The following TRMU variants were observed in gnomAD, a reference collection of about 807,000 sequenced individuals.
The protein encoded by TRMU is tRNA mitochondrial 2-thiouridylase, also known as mitochondrial tRNA-specific 2-thiouridylase 1.
TRMU carries 49 observed loss-of-function variants against 46.9 expected under a neutral mutation model. The observed-to-expected ratio is 1.05, with a 90% CI of 0.83 to 1.33. The LOEUF is 1.33. Among genes scored for constraint, TRMU ranks in the 40% most tolerant of loss-of-function variants. The probability of loss-of-function intolerance (pLI) is 0.00; values close to 1 mark genes in which losing one functional copy is unlikely to be tolerated. For synonymous variants in TRMU, 241 were observed against 200.9 expected, an observed-to-expected ratio of 1.20 and a Z score of -1.69; for missense variants, 572 against 532.4, an observed-to-expected ratio of 1.07 and a Z score of -0.73.
chr22:46,349,925 C>G lies in TRMU; in HGVS notation c.479-366C>G, dbSNP rs1372424625. ...GCTGACACTATATCAGTGGAATTTT[C>G]TGCCAGCAACTAGCTTACTCCATTT... On this transcript the variant is annotated intron_variant, in intron 4 of 10. Coordinates refer to ENST00000645190, the MANE Select transcript of TRMU (RefSeq NM_018006.5). The surrounding 1 kb of genome is among the most constrained non-coding windows in gnomAD (Gnocchi z 4.6). 6.6e-6 allele frequency among the ~76,000 whole-genome samples: 1 copy of G among 151,814 alleles called. No homozygotes were observed. Among genetic ancestry groups the G allele is most frequent in the Non-Finnish European group, 1.5e-5 (1 of 67,982 alleles).
chr22:46,343,500 C>A, intron 3 of TRMU, 132 bp downstream of exon 3: 1 of 716,242 alleles, frequency 1.4e-6, no homozygotes, highest in Non-Finnish European at 2.4e-6. Context: ...ATTCTCCCAC[C>A]CCAGGCTCCT....
chr22:46,351,646 G>A lies in TRMU; in HGVS notation c.652-475G>A, dbSNP rs2078428616. On this transcript the variant is annotated intron_variant, in intron 5 of 10. Coordinates refer to ENST00000645190, the MANE Select transcript of TRMU (RefSeq NM_018006.5). This position sits in a 1 kb window ranked among gnomAD's most constrained non-coding sequence, Gnocchi z 6.4. Reference sequence around the variant, plus strand: ...GAGTAAACGATGCAGCCCCTGATGGGGCCACGGTGGAGAGCGCACGCCACC... The same window carrying A: ...GAGTAAACGATGCAGCCCCTGATGGAGCCACGGTGGAGAGCGCACGCCACC... 1 of 270,138 alleles carries A rather than the reference G, an allele frequency of 3.7e-6. No homozygotes were observed. Among genetic ancestry groups the A allele is most frequent in the Non-Finnish European group, 7.3e-6 (1 of 137,648 alleles). The allele number at this position is 270,138 out of a possible 1,614,324, so 16.7% of individuals were successfully genotyped here. A position where few individuals can be genotyped will look rare whatever the true frequency, so the allele number is the denominator to read the frequency against.
At chr22:46,356,249 T>A in intron 10 of TRMU, 177 bp downstream of exon 10, 1 of 648,256 alleles carries the variant, frequency 1.5e-6, no homozygotes, top group South Asian at 1.8e-5. Flanking sequence ...CAGTGACAAC[T>A]GTGAGAGGAT....
In TRMU at chr22:46,346,653, C is replaced by A. The variant is rs1294002441; in HGVS notation, c.478+109C>A. The A allele has an allele frequency of 1.1e-5, 14 of 1,323,020 alleles. No individual in the cohort carries two copies. The East Asian group carries it at 3.0e-4, about 29-fold the overall frequency. The allele number at this position is 1,323,020 out of a possible 1,614,324, so 82.0% of individuals were successfully genotyped here. ...GATCACTGCCACCCCTCCCTCTGTGCTCCAGAGTAGCTTGTATGGGATTCA... is the reference window on the plus strand; with the variant it reads ...GATCACTGCCACCCCTCCCTCTGTGATCCAGAGTAGCTTGTATGGGATTCA... On this transcript the variant is annotated intron_variant, in intron 4 of 10. Transcript: ENST00000645190.
rs182610897 is a variant in TRMU, at chr22:46,348,488, G to A, written c.479-1803G>A. 1.6e-4 allele frequency among the ~76,000 whole-genome samples: 25 copies of A among 152,284 alleles called. No homozygotes were observed. The highest frequency in any genetic ancestry group is 1.6e-3 in the Admixed American group (24 of 15,296). ...TAGAGCACCTGCAGGGGCAGTGGACGGCCTGGGCTCAGGGTCGGTCAGCAC... is the reference window on the plus strand; with the variant it reads ...TAGAGCACCTGCAGGGGCAGTGGACAGCCTGGGCTCAGGGTCGGTCAGCAC... On this transcript the variant is annotated intron_variant, in intron 4 of 10. Transcript: ENST00000645190. The surrounding 1 kb of genome is among the most constrained non-coding windows in gnomAD (Gnocchi z 4.8).
chr22:46,356,813 C>A (rs776337937), intron 10 of TRMU, 29 bp from the exon 11 acceptor site: 1 of 1,611,578 alleles, frequency 6.2e-7, no homozygotes, highest in South Asian at 1.1e-5. Flanking sequence ...CCCTGTGGCA[C>A]CCCTGATGCC....
At position 46,339,570 on chromosome 22, in the gene TRMU, A is replaced by G. The variant is rs2147858126; in HGVS notation, c.248+1626A>G. ...GGATAAAAGACTACACATCGGGTACAATGTCCACTGCTTGGGTGACGGGTA... is the reference window on the plus strand; with the variant it reads ...GGATAAAAGACTACACATCGGGTACGATGTCCACTGCTTGGGTGACGGGTA... On this transcript the variant is annotated intron_variant, in intron 2 of 10. Transcript: ENST00000645190. The surrounding 1 kb of genome is among the most constrained non-coding windows in gnomAD (Gnocchi z 4.8). 6.6e-6 allele frequency among the ~76,000 whole-genome samples: 1 copy of G among 152,338 alleles called. No individual in the cohort carries two copies. The highest frequency in any genetic ancestry group is 2.1e-4 in the South Asian group (1 of 4,832).
chr22:46,337,775 G>C lies in TRMU; in HGVS notation c.83-4G>C. 1 of 1,614,168 alleles carries C rather than the reference G, an allele frequency of 6.2e-7. No homozygotes were observed. The highest frequency in any genetic ancestry group is 1.1e-5 in the South Asian group (1 of 91,080). On this transcript the variant is annotated splice_polypyrimidine_tract_variant and splice_region_variant and intron_variant, in intron 1 of 10. Transcript: ENST00000645190. ...TTCTCTTTAATTGACCTTCCCGCCCGCAGGTTACCAGGTGACAGGGGTGTT... is the reference window on the plus strand; with the variant it reads ...TTCTCTTTAATTGACCTTCCCGCCCCCAGGTTACCAGGTGACAGGGGTGTT...
At chr22:46,344,086 C>T (rs573622908) in intron 3 of TRMU, among the ~76,000 whole-genome samples, 5 of 152,270 alleles carry the variant, frequency 3.3e-5, no homozygotes, top group African/African-American at 1.2e-4. Flanking sequence ...ACACCAAAAA[C>T]ATGAAACTTA....
In TRMU at chr22:46,350,963, G is replaced by A. The variant is rs1230656879; in HGVS notation, c.651+500G>A. ...TTCCATCTTCGCCTCCATGGAGCCC[G>A]CCCGCGAGTGGGGGACACAGGCAGG... is the stretch of plus-strand genomic sequence containing the variant. On this transcript the variant is annotated intron_variant, in intron 5 of 10. Coordinates refer to ENST00000645190, the MANE Select transcript of TRMU (RefSeq NM_018006.5). This position sits in a 1 kb window ranked among gnomAD's most constrained non-coding sequence, Gnocchi z 4.6. Among the ~76,000 whole-genome samples, 1 of 152,216 alleles carries A rather than the reference G, an allele frequency of 6.6e-6. No homozygotes were observed. Among genetic ancestry groups the A allele is most frequent in the African/African-American group, 2.4e-5 (1 of 41,450 alleles).
chr22:46,355,851 G>C (rs2078588415), intron 9 of TRMU, 139 bp from the exon 10 acceptor site: 2 of 1,095,534 alleles, frequency 1.8e-6, no homozygotes, highest in East Asian at 2.6e-5. Flanking sequence ...GCTGCGTCCA[G>C]GGCCCAGGCT....
Position 46,346,532 on chromosome 22 carries a change from G to T in TRMU, c.466G>T (p.Glu156Ter), listed in dbSNP as rs751506637. The stretch of plus-strand genomic sequence containing the variant: ...CGAAGGGCTTTTCAGAAATCGGTTT[G>T]AAGTTAGAAATGGTAAGTTCATGTG... The part of the protein sequence containing the change: ...KPEGLFRNRF[E>*]VRNAVKLLQA... The change falls in exon 4 of 11, where the codon GAA becomes TAA. Residue 156 changes from glutamate (E) to a stop codon, truncating the protein, a stop_gained. Transcript: ENST00000645190. LOFTEE classifies it high-confidence loss of function. 1 of 1,611,586 alleles carries T rather than the reference G, an allele frequency of 6.2e-7. No homozygotes were observed. The highest frequency in any genetic ancestry group is 8.5e-7 in the Non-Finnish European group (1 of 1,178,436).
At position 46,355,543 on chromosome 22, in the gene TRMU, A is replaced by C; in HGVS notation, c.973A>C (p.Lys325Gln). ...EEPPAALVRD[K>Q]MMECHFRFRH... is the part of the protein sequence containing the mutation. ...GCCTCCCGCAGCACTGGTCCGGGAC[A>C]AGATGATGGAGTGCCACTTCCGATT... The change falls in exon 9 of 11, where the codon AAG (lysine) becomes CAG (glutamine). Residue 325 changes from lysine (K) to glutamine (Q), a missense_variant. Coordinates refer to ENST00000645190, the MANE Select transcript of TRMU (RefSeq NM_018006.5). 6.2e-7 allele frequency: 1 copy of C among 1,613,302 alleles called. No homozygotes were observed. The highest frequency in any genetic ancestry group is 8.5e-7 in the Non-Finnish European group (1 of 1,180,030).
At position 46,349,601 on chromosome 22, in the gene TRMU, G is replaced by A. The variant is rs1248387302; in HGVS notation, c.479-690G>A. Among the ~76,000 whole-genome samples the A allele has an allele frequency of 1.3e-5, 2 of 152,216 alleles. No individual in the cohort carries two copies. The highest frequency in any genetic ancestry group is 2.1e-4 in the South Asian group (1 of 4,828). ...TTTTTTGCCATTGATCATTGAACTC[G>A]AGAGTGGAGAACTGGACGGTTCTAA... On this transcript the variant is annotated intron_variant, in intron 4 of 10. Coordinates refer to ENST00000645190, the MANE Select transcript of TRMU (RefSeq NM_018006.5). The surrounding 1 kb of genome is among the most constrained non-coding windows in gnomAD (Gnocchi z 4.6).
rs371352968 is a variant in TRMU at position 46,355,941 on chromosome 22, G to T, written c.1019-49G>T. 2.5e-6 allele frequency: 4 copies of T among 1,602,844 alleles called. No individual in the cohort carries two copies. The South Asian group carries it at 3.3e-5, about 13-fold the overall frequency. On this transcript the variant is annotated intron_variant, in intron 9 of 10. Coordinates refer to ENST00000645190, the MANE Select transcript of TRMU (RefSeq NM_018006.5). ...CCTTTCTCCCTGGGGGCCTGAGGTCGACCAGGAAAGGCCTGTGCCCCCTCC... is the reference window on the plus strand; with the variant it reads ...CCTTTCTCCCTGGGGGCCTGAGGTCTACCAGGAAAGGCCTGTGCCCCCTCC...
chr22:46,347,717 A>G lies in TRMU; in HGVS notation c.478+1173A>G, dbSNP rs73889252. ...ATGCTCTCATCCCGTTTCACAGATGAGGAAACCGAGGCCCGGATGAAGCCA... is the reference window on the plus strand; with the variant it reads ...ATGCTCTCATCCCGTTTCACAGATGGGGAAACCGAGGCCCGGATGAAGCCA... On this transcript the variant is annotated intron_variant, in intron 4 of 10. Transcript: ENST00000645190. This position sits in a 1 kb window ranked among gnomAD's most constrained non-coding sequence, Gnocchi z 5.0. Among the ~76,000 whole-genome samples, 1,450 of 152,244 alleles carry G rather than the reference A, an allele frequency of 9.5e-3. 22 individuals are homozygous for G. Among genetic ancestry groups the G allele is most frequent in the African/African-American group, 0.033 (1,361 of 41,534 alleles).
chr22:46,353,716 T>G, intron 7 of TRMU, 51 bp from the exon 8 acceptor site: 1 of 1,548,578 alleles, frequency 6.5e-7, no homozygotes, highest in Non-Finnish European at 8.9e-7. Flanking sequence ...AGGCGTGACA[T>G]GTGGGCTGTA....
At chr22:46,352,501 G>T in intron 7 of TRMU, 171 bp downstream of exon 7, 2 of 718,768 alleles carry the variant, frequency 2.8e-6, no homozygotes, top group South Asian at 1.5e-5. Flanking sequence ...CAGTTGCCTT[G>T]ATGGTGGCTG....
chr22:46,340,203 T>G (rs1569063682), intron 2 of TRMU, among the ~76,000 whole-genome samples: 1 of 152,070 alleles, frequency 6.6e-6, no homozygotes, highest in African/African-American at 2.4e-5. Flanking sequence ...GCTGGTGGTG[T>G]GGGGGGTTGT....
Sources: allele counts gnomAD v4.1 joint callset (sites outside exome capture counted in the v4.1 genomes callset), GRCh38; gene constraint gnomAD v4.1.1; non-coding constraint Gnocchi (gnomAD v3.1); transcripts MANE v1.5; gene names NCBI Gene and HGNC (gene_info 2026-07-23, HGNC 2026-07-21).